RANBP2: variants seen among roughly 807,000 people sequenced by gnomAD.
The protein encoded by RANBP2 is RAN binding protein 2, also known as E3 SUMO-protein ligase RanBP2.
RANBP2 carries 57 observed loss-of-function variants against 303.6 expected under a neutral mutation model. That is an observed-to-expected ratio of 0.19 (90% confidence interval 0.15 to 0.23). The LOEUF (loss-of-function observed/expected upper bound fraction) is 0.23. Among genes scored for constraint, RANBP2 ranks in the 10% least tolerant of loss-of-function variants. The pLI is 1.00. For synonymous variants in RANBP2, 1,167 were observed against 1,301.5 expected, an observed-to-expected ratio of 0.90 and a Z score of 2.23; for missense variants, 3,138 against 3,780.8, an observed-to-expected ratio of 0.83 and a Z score of 4.46.
chr2:108,945,608 G>A, the RANBP2 span, among the ~76,000 whole-genome samples: 1 of 152,114 alleles, frequency 6.6e-6, no homozygotes, highest in Non-Finnish European at 1.5e-5. Context: ...GAAATGAAAG[G>A]AAAATAAAAA....
chr2:108,945,819 T>C, the RANBP2 span, among the ~76,000 whole-genome samples: 1 of 152,270 alleles, frequency 6.6e-6, no homozygotes, highest in African/African-American at 2.4e-5. Flanking sequence ...AAAGGACAAA[T>C]ATCATGTGAT....
intron 1 of RANBP2, among the ~76,000 whole-genome samples, chr2:108,727,050 G>A (rs1452491115): frequency 1.3e-5 from 2 of 152,054 alleles, no homozygotes; most frequent in African/African-American, 2.4e-5. Context: ...CACAGACACG[G>A]CAACCATCCG....
chr2:109,247,519 G>A, the RANBP2 span, among the ~76,000 whole-genome samples: 2 of 152,184 alleles, frequency 1.3e-5, no homozygotes, highest in African/African-American at 4.8e-5. Flanking sequence ...GCAGGCATGG[G>A]TGGTCACGTG....
At position 108,758,583 on chromosome 2, in the gene RANBP2, A is replaced by G. The variant is rs748661618; in HGVS notation, c.2602+35A>G. The G allele has an allele frequency of 2.5e-6, 4 of 1,610,576 alleles. No individual in the cohort carries two copies. The African/African-American group carries it at 5.4e-5, about 22-fold the overall frequency. On this transcript the variant is annotated intron_variant, in intron 18 of 28. Transcript: ENST00000283195. Reference sequence around the variant, plus strand: ...CAAGTGGATAATCGCATATTTTAGTAAAACTACTTTACTTCCCTCTTTTAA... The same window carrying G: ...CAAGTGGATAATCGCATATTTTAGTGAAACTACTTTACTTCCCTCTTTTAA...
the RANBP2 span, among the ~76,000 whole-genome samples, chr2:109,629,235 T>TAAAAAAATAAA: frequency 0.046 from 6,402 of 138,070 alleles, 277 homozygotes; most frequent in Middle Eastern, 0.098. Context: ...AATAAATAAA[T>TAAAAAAATAAA]AAAATGCTTA....
At chr2:108,997,185 T>C in the RANBP2 span, among the ~76,000 whole-genome samples, 2 of 152,296 alleles carry the variant, frequency 1.3e-5, no homozygotes, top group East Asian at 3.9e-4. Context: ...CTCACGCCTG[T>C]AATCCCAGCA....
At chr2:109,331,989 T>G in the RANBP2 span, among the ~76,000 whole-genome samples, 182 of 152,278 alleles carry the variant, frequency 1.2e-3, no homozygotes, top group Admixed American at 3.3e-3. Context: ...CTGTGACTAG[T>G]CGTGGATGCC....
At position 108,728,274 on chromosome 2, in the gene RANBP2, T is replaced by A. The variant is rs12999008; in HGVS notation, c.73-858T>A. Reference sequence around the variant, plus strand: ...TCTGTTGTCTGCTTGTCTTACTTTCTTGAATTTATTTTTTGTATGTTATGT... The same window carrying A: ...TCTGTTGTCTGCTTGTCTTACTTTCATGAATTTATTTTTTGTATGTTATGT... On this transcript the variant is annotated intron_variant, in intron 1 of 28. Transcript: ENST00000283195. Among the ~76,000 whole-genome samples the A allele has an allele frequency of 8.1e-3, 1,241 of 152,304 alleles. 6 individuals carry two copies. The highest frequency in any genetic ancestry group is 0.013 in the Non-Finnish European group (875 of 68,026).
chr2:109,193,492 A>C, the RANBP2 span, among the ~76,000 whole-genome samples: 1 of 152,128 alleles, frequency 6.6e-6, no homozygotes. Context: ...TTTTCATATG[A>C]ATGGAATCAT....
the RANBP2 span, among the ~76,000 whole-genome samples, chr2:109,183,070 C>T: frequency 6.6e-6 from 1 of 152,152 alleles, no homozygotes; most frequent in East Asian, 1.9e-4. Flanking sequence ...GCCACAATGA[C>T]TAATTTATTC....
chr2:109,224,208 G>A, the RANBP2 span, among the ~76,000 whole-genome samples: 2 of 152,180 alleles, frequency 1.3e-5, no homozygotes, highest in Non-Finnish European at 2.9e-5. Context: ...GGCATTGGGA[G>A]TTTAAACTTG....
chr2:109,755,314 T>TA, the RANBP2 span, among the ~76,000 whole-genome samples: 21 of 136,242 alleles, frequency 1.5e-4, 1 homozygote, highest in Non-Finnish European at 3.0e-4. Flanking sequence ...AGCTCAAGAG[T>TA]AAGCAATAAT....
At chr2:109,112,906 C>T in the RANBP2 span, among the ~76,000 whole-genome samples, 1 of 152,252 alleles carries the variant, frequency 6.6e-6, no homozygotes, top group African/African-American at 2.4e-5. Context: ...TTCCCCATTG[C>T]TTGTTTTTCT....
the RANBP2 span, among the ~76,000 whole-genome samples, chr2:108,859,147 T>G: frequency 6.6e-6 from 1 of 152,208 alleles, no homozygotes; most frequent in East Asian, 1.9e-4. Context: ...ATTTCAAAGA[T>G]GATTAGTGAT....
At chr2:109,593,794 A>C in the RANBP2 span, among the ~76,000 whole-genome samples, 1 of 152,204 alleles carries the variant, frequency 6.6e-6, no homozygotes, top group East Asian at 1.9e-4. Context: ...ACAAATGTCA[A>C]GAATGCTACA....
At chr2:109,235,303 C>T in the RANBP2 span, among the ~76,000 whole-genome samples, 1 of 152,174 alleles carries the variant, frequency 6.6e-6, no homozygotes, top group African/African-American at 2.4e-5. Context: ...TTTCTTCTCC[C>T]CTCCCCCTTC....
the RANBP2 span, among the ~76,000 whole-genome samples, chr2:109,353,326 T>C: frequency 6.6e-6 from 1 of 152,220 alleles, no homozygotes; most frequent in Non-Finnish European, 1.5e-5. Context: ...CACACATTTA[T>C]AGCTCGACCC....
chr2:109,163,863 TA>T, the RANBP2 span, among the ~76,000 whole-genome samples: 1 of 152,204 alleles, frequency 6.6e-6, no homozygotes, highest in Non-Finnish European at 1.5e-5. Context: ...TATTACCAAC[TA>T]TTTGTGGTTG....
At chr2:109,660,234 A>T in the RANBP2 span, among the ~76,000 whole-genome samples, 1 of 152,026 alleles carries the variant, frequency 6.6e-6, no homozygotes, top group Admixed American at 6.6e-5. Flanking sequence ...TTTGTACTTC[A>T]CTTCAGCCTC....
Sources: allele counts gnomAD v4.1 joint callset (sites outside exome capture counted in the v4.1 genomes callset), GRCh38; gene constraint gnomAD v4.1.1; transcripts MANE v1.5; gene names NCBI Gene and HGNC (gene_info 2026-07-23, HGNC 2026-07-21).